The following KSR2 variants were observed in gnomAD, a reference collection of about 807,000 sequenced individuals.
The protein encoded by KSR2 is kinase suppressor of ras 2.
KSR2 carries 25 observed loss-of-function variants against 107.8 expected under a neutral mutation model. The ratio of observed to expected loss-of-function variants is 0.23; its 90% CI spans 0.17 to 0.32. KSR2 has a LOEUF of 0.32. Ranked by LOEUF, KSR2 falls within the 10% of genes least tolerant of loss-of-function variation. KSR2 has a pLI of 1.00. For missense variants in KSR2, 887 were observed against 1,268.9 expected (o/e 0.70, Z 4.57); for synonymous variants, 480 against 507.0 (o/e 0.95, Z 0.71).
At chr12:117,585,979 T>C (rs774885144) in intron 5 of KSR2, among the ~76,000 whole-genome samples, 7 of 152,226 alleles carry the variant, frequency 4.6e-5, no homozygotes, top group Non-Finnish European at 1.0e-4. Flanking sequence ...TGTTGATGTC[T>C]TCTGAGAAAT....
At chr12:117,749,109 T>C (rs1396679647) in intron 4 of KSR2, among the ~76,000 whole-genome samples, 2 of 91,780 alleles carry the variant, frequency 2.2e-5, no homozygotes, top group Non-Finnish European at 4.0e-5. Context: ...AGATTGAACA[T>C]GCTCCACTGG....
chr12:117,453,489 C>A lies in KSR2; in HGVS notation c.*13710G>T, dbSNP rs781296041. 6.6e-6 allele frequency: 1 copy of A among 152,358 alleles called. No homozygotes were observed. Among genetic ancestry groups the A allele is most frequent in the African/African-American group, 2.4e-5 (1 of 41,376 alleles). 9.4% of individuals were successfully genotyped at this position (152,358 alleles called of 1,614,324 possible). A position where few individuals can be genotyped will look rare whatever the true frequency, so the allele number is the denominator to read the frequency against. On this transcript the variant is annotated 3_prime_UTR_variant, in exon 20 of 20. Coordinates refer to ENST00000339824, the MANE Select transcript of KSR2 (RefSeq NM_173598.6). ...GAGAAAAGAATATGGACCATCGGTC[C>A]GCGTTGGTCTGTACAAGAATTAGTC...
Position 117,968,937 on chromosome 12 carries a change from C to A in KSR2, c.-682G>T. 4.2e-6 allele frequency: 1 copy of A among 237,046 alleles called. No homozygotes were observed. Among genetic ancestry groups the A allele is most frequent in the Non-Finnish European group, 8.5e-6 (1 of 117,090 alleles). The allele number at this position is 237,046 out of a possible 1,614,324, so 14.7% of individuals were successfully genotyped here. ...TGCCGCCGCCGGGCTCCGGGGGTGACGGTTGCTGCAATCGCTCCTGCCTCG... is the reference window on the plus strand; with the variant it reads ...TGCCGCCGCCGGGCTCCGGGGGTGAAGGTTGCTGCAATCGCTCCTGCCTCG... On this transcript the variant is annotated 5_prime_UTR_variant, in exon 1 of 20. Transcript: ENST00000339824.
chr12:117,910,402 A>G (rs1207716381), intron 1 of KSR2, among the ~76,000 whole-genome samples: 2 of 152,134 alleles, frequency 1.3e-5, no homozygotes, highest in African/African-American at 2.4e-5. Context: ...TGAGGTTCCA[A>G]TCAGGTATGA....
In KSR2 at chr12:117,860,795, T is replaced by C. The variant is rs80201319; in HGVS notation, c.181-364A>G. 9.9e-3 allele frequency among the ~76,000 whole-genome samples: 1,512 copies of C among 152,312 alleles called. 53 individuals carry two copies. The East Asian group carries it at 0.12, about 12-fold the overall frequency. On this transcript the variant is annotated intron_variant, in intron 1 of 19. Transcript: ENST00000339824. ...GTGCAATGGCGTGATCTCTGCTCAGTGCAACCTCCACCTCCCAAGTTCAAG... is the reference window on the plus strand; with the variant it reads ...GTGCAATGGCGTGATCTCTGCTCAGCGCAACCTCCACCTCCCAAGTTCAAG...
intron 12 of KSR2, 72 bp from the exon 13 acceptor site, chr12:117,527,191 C>A (rs1048510074): frequency 4.5e-6 from 5 of 1,104,010 alleles, no homozygotes; most frequent in Non-Finnish European, 6.9e-6. Flanking sequence ...TAGCTATGTA[C>A]GAAGAATCCC....
intron 2 of KSR2, 143 bp downstream of exon 2, chr12:117,860,148 T>G: frequency 1.2e-6 from 1 of 804,272 alleles, no homozygotes; most frequent in South Asian, 2.1e-5. Context: ...TCCTGAATGT[T>G]TTCGTCCAGC....
At chr12:117,911,645 T>C (rs1428140821) in intron 1 of KSR2, among the ~76,000 whole-genome samples, 2 of 152,224 alleles carry the variant, frequency 1.3e-5, no homozygotes, top group Non-Finnish European at 2.9e-5. Flanking sequence ...TATTTTTTTT[T>C]TCCTTAGAAG....
At chr12:117,523,238 C>A (rs1592953426) in intron 14 of KSR2, among the ~76,000 whole-genome samples, 1 of 152,274 alleles carries the variant, frequency 6.6e-6, no homozygotes, top group East Asian at 1.9e-4. Context: ...GGGAAGAGAT[C>A]AAAGACACAC....
chr12:117,817,528 C>T (rs1178479371), intron 3 of KSR2, among the ~76,000 whole-genome samples: 1 of 152,202 alleles, frequency 6.6e-6, no homozygotes, highest in Non-Finnish European at 1.5e-5. Flanking sequence ...TACCTTCCCA[C>T]AGCCAGCTCA....
At chr12:117,817,376 G>GC (rs893505880) in intron 3 of KSR2, among the ~76,000 whole-genome samples, 31 of 151,424 alleles carry the variant, frequency 2.0e-4, no homozygotes, top group African/African-American at 7.3e-4. Context: ...CTCAATAACC[G>GC]CCCCCCACCC....
intron 10 of KSR2, among the ~76,000 whole-genome samples, chr12:117,538,762 A>C (rs576292350): frequency 3.9e-5 from 6 of 152,352 alleles, no homozygotes; most frequent in African/African-American, 1.2e-4. Context: ...TTAAATGTAA[A>C]TAGCCACACA....
At chr12:117,738,589 A>T (rs59720419) in intron 4 of KSR2, among the ~76,000 whole-genome samples, 8 of 152,264 alleles carry the variant, frequency 5.3e-5, no homozygotes, top group African/African-American at 1.9e-4. Context: ...AAGACAAAAA[A>T]TGTGGCTGGG....
At chr12:117,693,412 C>T (rs1305695941) in intron 4 of KSR2, among the ~76,000 whole-genome samples, 2 of 152,186 alleles carry the variant, frequency 1.3e-5, no homozygotes, top group Admixed American at 1.3e-4. Flanking sequence ...ATTGTGCTGA[C>T]TTGGTAGAAC....
rs1192220377 is a variant in KSR2 at position 117,726,176 on chromosome 12, C to CATAAA, written c.986+34830_986+34834dup. 1.1e-4 allele frequency among the ~76,000 whole-genome samples: 16 copies of CATAAA among 151,774 alleles called. No individual in the cohort carries two copies. The South Asian group carries it at 3.1e-3, about 30-fold the overall frequency. On this transcript the variant is annotated intron_variant, in intron 4 of 19. Transcript: ENST00000339824. Reference sequence around the variant, plus strand: ...GAGCGAGACTCCATCTCAAAAAAAACATAAAATAAAATAAAATAAAAATTT... The same window carrying CATAAA: ...GAGCGAGACTCCATCTCAAAAAAAACATAAAATAAAATAAAATAAAATAAAAATTT...
chr12:117,515,467 A>C (rs1874308042), intron 14 of KSR2, among the ~76,000 whole-genome samples: 1 of 152,060 alleles, frequency 6.6e-6, no homozygotes, highest in African/African-American at 2.4e-5. Context: ...TGGAGGACCT[A>C]GTATTTTGGG....
chr12:117,803,559 C>T (rs1480955598), intron 3 of KSR2, among the ~76,000 whole-genome samples: 5 of 151,998 alleles, frequency 3.3e-5, no homozygotes, highest in Non-Finnish European at 5.9e-5. Context: ...AAAAATTAGC[C>T]GGACGTGGTG....
intron 3 of KSR2, among the ~76,000 whole-genome samples, chr12:117,839,660 C>A (rs1455662716): frequency 6.6e-6 from 1 of 152,078 alleles, no homozygotes; most frequent in Non-Finnish European, 1.5e-5. Context: ...ATGACTATGG[C>A]CGAAGATCGA....
chr12:117,636,771 T>G (rs10850870), intron 5 of KSR2, among the ~76,000 whole-genome samples: 25,104 of 152,142 alleles, frequency 0.17, 2,159 homozygotes, highest in Middle Eastern at 0.24. Flanking sequence ...ATAACATTTT[T>G]TAAAAGTCAA....
Sources: allele counts gnomAD v4.1 joint callset (sites outside exome capture counted in the v4.1 genomes callset), GRCh38; gene constraint gnomAD v4.1.1; transcripts MANE v1.5; gene names NCBI Gene and HGNC (gene_info 2026-07-23, HGNC 2026-07-21).